The following HCN1 variants were observed in gnomAD, a reference collection of about 807,000 sequenced individuals.
HCN1 encodes hyperpolarization activated cyclic nucleotide gated potassium channel 1.
Under a neutral mutation model 78.9 loss-of-function variants are expected in HCN1, and 13 were observed. That is an observed-to-expected ratio of 0.16 (90% CI 0.11 to 0.26). The LOEUF (loss-of-function observed/expected upper bound fraction) is 0.26, where lower values mean the gene tolerates loss of function less well. Among genes scored for constraint, HCN1 ranks in the 10% least tolerant of loss-of-function variants. The probability of loss-of-function intolerance (pLI) is 1.00; values close to 1 mark genes in which losing one functional copy is unlikely to be tolerated. For synonymous variants in HCN1, 552 were observed against 455.5 expected, an observed-to-expected ratio of 1.21 and a Z score of -2.70; for missense variants, 810 against 1,154.3, an observed-to-expected ratio of 0.70 and a Z score of 4.32.
At chr5:45,447,989 A>G (rs545162929) in intron 3 of HCN1, among the ~76,000 whole-genome samples, 2 of 151,874 alleles carry the variant, frequency 1.3e-5, no homozygotes, top group African/African-American at 4.8e-5. Flanking sequence ...ACATTTTTTG[A>G]TTCACTGCTA....
intron 2 of HCN1, among the ~76,000 whole-genome samples, chr5:45,509,461 T>G (rs943362346): frequency 1.3e-5 from 2 of 152,184 alleles, no homozygotes; most frequent in Admixed American, 1.3e-4. Context: ...ATTCTAAGCC[T>G]GCATGCTGCA....
At chr5:45,674,125 T>G (rs1256291211) in intron 1 of HCN1, among the ~76,000 whole-genome samples, 1 of 151,270 alleles carries the variant, frequency 6.6e-6, no homozygotes, top group Non-Finnish European at 1.5e-5. Context: ...TTCATTGGCT[T>G]TTAGTTGATA....
At chr5:45,374,052 A>G (rs1248628977) in intron 4 of HCN1, among the ~76,000 whole-genome samples, 1 of 104,822 alleles carries the variant, frequency 9.5e-6, no homozygotes, top group Non-Finnish European at 1.7e-5. Flanking sequence ...TATATTATAT[A>G]TATTATATAT....
intron 3 of HCN1, among the ~76,000 whole-genome samples, chr5:45,435,957 C>CG (rs1740553998): frequency 6.6e-6 from 1 of 152,088 alleles, no homozygotes; most frequent in Non-Finnish European, 1.5e-5. Flanking sequence ...TATAGACCCC[C>CG]GCCAATAAAA....
At chr5:45,580,432 T>A (rs1744040249) in intron 2 of HCN1, among the ~76,000 whole-genome samples, 1 of 152,062 alleles carries the variant, frequency 6.6e-6, no homozygotes, top group African/African-American at 2.4e-5. Context: ...ACTCCCCCAC[T>A]GCAGATTACA....
intron 3 of HCN1, among the ~76,000 whole-genome samples, chr5:45,404,367 G>T (rs1308031979): frequency 1.3e-5 from 2 of 152,006 alleles, no homozygotes; most frequent in Non-Finnish European, 2.9e-5. Flanking sequence ...TAAGGGAACT[G>T]TTTCAACTGA....
intron 2 of HCN1, among the ~76,000 whole-genome samples, chr5:45,535,541 T>C (rs1742949241): frequency 6.6e-6 from 1 of 151,892 alleles, no homozygotes; most frequent in Admixed American, 6.6e-5. Context: ...GAGGTTGCAG[T>C]GAGTTGAGAT....
intron 1 of HCN1, among the ~76,000 whole-genome samples, chr5:45,695,295 C>A (rs1739984579): frequency 6.6e-6 from 1 of 152,110 alleles, no homozygotes. Flanking sequence ...GAGGGAGCCG[C>A]GCGAGGAAGG....
chr5:45,330,746 T>C (rs1746327696), intron 5 of HCN1, among the ~76,000 whole-genome samples: 1 of 151,076 alleles, frequency 6.6e-6, no homozygotes, highest in East Asian at 1.9e-4. Context: ...GTATCAAATA[T>C]GCTTCTTTGG....
At chr5:45,552,058 T>C (rs1019424667) in intron 2 of HCN1, among the ~76,000 whole-genome samples, 2 of 151,930 alleles carry the variant, frequency 1.3e-5, no homozygotes, top group Non-Finnish European at 2.9e-5. Context: ...GATTATCTTA[T>C]ATTCTTTGAG....
At chr5:45,475,472 C>T (rs1741493122) in intron 2 of HCN1, among the ~76,000 whole-genome samples, 1 of 151,990 alleles carries the variant, frequency 6.6e-6, no homozygotes, top group Non-Finnish European at 1.5e-5. Context: ...AGCTAATGGG[C>T]TAACTCTGTA....
intron 1 of HCN1, among the ~76,000 whole-genome samples, chr5:45,683,885 G>A (rs1328923718): frequency 6.6e-6 from 1 of 151,910 alleles, no homozygotes; most frequent in Non-Finnish European, 1.5e-5. Context: ...TGCCCAGGCT[G>A]GTCTGAAACT....
rs551649009 is a variant in HCN1, at chr5:45,539,463, C to T, written c.850-77456G>A. Reference sequence around the variant, plus strand: ...GGATCACGAGGTCAGGAGATTGAGACCATCTTGGCTAACACGGTGAAACCC... The same window carrying T: ...GGATCACGAGGTCAGGAGATTGAGATCATCTTGGCTAACACGGTGAAACCC... On this transcript the variant is annotated intron_variant, in intron 2 of 7. Transcript: ENST00000303230. 1.6e-3 allele frequency among the ~76,000 whole-genome samples: 239 copies of T among 151,160 alleles called. 6 individuals carry two copies. The South Asian group carries it at 0.049, about 31-fold the overall frequency.
chr5:45,670,994 ACAAT>A (rs1267987157), intron 1 of HCN1, among the ~76,000 whole-genome samples: 1 of 151,782 alleles, frequency 6.6e-6, no homozygotes, highest in Non-Finnish European at 1.5e-5. Context: ...TACATTTTAT[ACAAT>A]CAAATTATTT....
At position 45,314,733 on chromosome 5, in the gene HCN1, T is replaced by A. The variant is rs540062311; in HGVS notation, c.1378-10894A>T. 1.7e-4 allele frequency among the ~76,000 whole-genome samples: 26 copies of A among 151,322 alleles called. 1 individual carries two copies. The highest frequency in any genetic ancestry group is 6.3e-4 in the African/African-American group (26 of 41,216). On this transcript the variant is annotated intron_variant, in intron 5 of 7. Transcript: ENST00000303230. Reference sequence around the variant, plus strand: ...GATAGAGGAAGATCTACCAAGCAAATAGAAAACAAAAAAAGGCAGGAGTTG... The same window carrying A: ...GATAGAGGAAGATCTACCAAGCAAAAAGAAAACAAAAAAAGGCAGGAGTTG...
At chr5:45,284,977 T>C (rs907219603) in intron 6 of HCN1, among the ~76,000 whole-genome samples, 2 of 152,070 alleles carry the variant, frequency 1.3e-5, no homozygotes, top group African/African-American at 4.8e-5. Context: ...CACAAGTTTC[T>C]ATTTCATAAT....
chr5:45,450,881 C>T (rs1740901904), intron 3 of HCN1, among the ~76,000 whole-genome samples: 1 of 152,084 alleles, frequency 6.6e-6, no homozygotes. Flanking sequence ...CACCTAGTGA[C>T]AATGGTGAAT....
intron 4 of HCN1, among the ~76,000 whole-genome samples, chr5:45,373,895 T>C (rs887794494): frequency 7.4e-6 from 1 of 135,698 alleles, no homozygotes. Flanking sequence ...ATATATGTCA[T>C]CTATAATATA....
chr5:45,684,691 T>C (rs1739769570), intron 1 of HCN1, among the ~76,000 whole-genome samples: 1 of 152,020 alleles, frequency 6.6e-6, no homozygotes, highest in African/African-American at 2.4e-5. Flanking sequence ...TAAAACCCCA[T>C]CTCTACTGAA....
Sources: gnomAD v4.1 joint callset for allele counts (sites outside exome capture counted in the v4.1 genomes callset) on GRCh38, gnomAD v4.1.1 for gene constraint, MANE v1.5 for transcripts, NCBI Gene and HGNC (gene_info 2026-07-23, HGNC 2026-07-21) for gene names.